TTLL10: variants seen among roughly 807,000 people sequenced by gnomAD.
TTLL10 encodes the protein inactive polyglycylase TTLL10.
A neutral mutation model predicts 69.0 loss-of-function variants in TTLL10; 61 were observed. The observed-to-expected ratio is 0.88, with a 90% CI of 0.72 to 1.09. The LOEUF (loss-of-function observed/expected upper bound fraction) is 1.09. TTLL10 is among the 50% of genes least tolerant of loss of function. TTLL10 has a pLI of 0.00. For missense variants in TTLL10, 962 were observed against 945.9 expected, an observed-to-expected ratio of 1.02 and a Z score of -0.22; for synonymous variants, 408 against 393.3, an observed-to-expected ratio of 1.04 and a Z score of -0.44.
rs142395013 is a variant in TTLL10 at position 1,188,731 on chromosome 1, T to C, written c.1401+3622T>C. On this transcript the variant is annotated intron_variant, in intron 13 of 15. Coordinates refer to ENST00000379289, the MANE Select transcript of TTLL10 (RefSeq NM_001130045.2). ...CATCGAAATTTTAATAGGCATTGCA[T>C]TGAATCTGTAAGTCACGTAGCAGTG... Among the ~76,000 whole-genome samples, 585 of 152,232 alleles carry C rather than the reference T, an allele frequency of 3.8e-3. 4 individuals are homozygous for C. Among genetic ancestry groups the C allele is most frequent in the African/African-American group, 0.013 (533 of 41,550 alleles).
rs1213530126 is a variant in TTLL10 at position 1,182,357 on chromosome 1, G to C, written c.831-4G>C. ...GCTCATCCTCCTGCCTCCCTGCCCT[G>C]CAGGGTCCTGAGAATGGAAGAGTTT... On this transcript the variant is annotated splice_region_variant and splice_polypyrimidine_tract_variant and intron_variant, in intron 9 of 15. Transcript: ENST00000379289. The C allele has an allele frequency of 1.2e-6, 2 of 1,613,386 alleles. No homozygotes were observed. Among genetic ancestry groups the C allele is most frequent in the Non-Finnish European group, 1.7e-6 (2 of 1,179,626 alleles).
At chr1:1,184,168 G>A (rs1647176065) in intron 12 of TTLL10, 77 bp downstream of exon 12, 3 of 1,579,046 alleles carry the variant, frequency 1.9e-6, no homozygotes, top group Admixed American at 3.4e-5. Context: ...GCTAGGGGGT[G>A]CAGAGGGGGT....
chr1:1,178,124 G>A (rs1646930016), intron 3 of TTLL10, among the ~76,000 whole-genome samples: 1 of 152,150 alleles, frequency 6.6e-6, no homozygotes, highest in Non-Finnish European at 1.5e-5. Context: ...CTTCCTGCGG[G>A]TGAGATTGGT....
intron 13 of TTLL10, among the ~76,000 whole-genome samples, chr1:1,189,269 G>C (rs762378828): frequency 3.3e-5 from 5 of 152,230 alleles, no homozygotes; most frequent in Non-Finnish European, 5.9e-5. Flanking sequence ...GTCAGGTTGA[G>C]GAAGTTCCCT....
chr1:1,178,058 C>T (rs1228664654), intron 3 of TTLL10, among the ~76,000 whole-genome samples: 1 of 152,186 alleles, frequency 6.6e-6, no homozygotes, highest in Non-Finnish European at 1.5e-5. Context: ...TGGGCTTCCT[C>T]GTTGTCTCCT....
chr1:1,175,678 C>T (rs902917382), intron 3 of TTLL10: 9 of 456,022 alleles, frequency 2.0e-5, no homozygotes, highest in Non-Finnish European at 4.0e-5. Context: ...GCTGTCCTGA[C>T]ATTACATGTG....
In TTLL10 at chr1:1,189,114, CT is replaced by C. The variant is rs541340573; in HGVS notation, c.1401+4008del. Among the ~76,000 whole-genome samples, 355 of 152,250 alleles carry C rather than the reference CT, an allele frequency of 2.3e-3. 2 individuals carry two copies. The highest frequency in any genetic ancestry group is 0.014 in the Middle Eastern group (4 of 294). On this transcript the variant is annotated intron_variant, in intron 13 of 15. Transcript: ENST00000379289. ...GGAATAGAAACAGCTTTACCTCTTC[CT>C]TTCAAATTTATATGCATTTTATTTC...
At chr1:1,196,806 C>A in intron 14 of TTLL10, 90 bp downstream of exon 14, 1 of 974,772 alleles carries the variant, frequency 1.0e-6, no homozygotes, top group Non-Finnish European at 1.6e-6. Context: ...AGGCCCCAGG[C>A]AGAATCTGCA....
intron 13 of TTLL10, among the ~76,000 whole-genome samples, chr1:1,192,734 C>T (rs961874751): frequency 2.0e-5 from 3 of 151,746 alleles, no homozygotes; most frequent in Non-Finnish European, 2.9e-5. Context: ...TCAGTGTAGA[C>T]ACTCCAGTTG....
In TTLL10 at chr1:1,183,924, A is replaced by C; in HGVS notation, c.1093A>C (p.Ile365Leu). 6.2e-7 allele frequency: 1 copy of C among 1,614,144 alleles called. No individual in the cohort carries two copies. Among genetic ancestry groups the C allele is most frequent in the South Asian group, 1.1e-5 (1 of 91,086 alleles). ...GPQARVVQRY[I>L]QNPLLVDGRK... ...GCCCCGACATGGTGCCCCCAGGTAC[A>C]TCCAGAACCCGCTGCTGGTGGACGG... Residue 365 changes from isoleucine (I) to leucine (L), a missense_variant, in exon 12 of 16, where the codon ATC (isoleucine) becomes CTC (leucine). Coordinates refer to ENST00000379289, the MANE Select transcript of TTLL10 (RefSeq NM_001130045.2).
intron 3 of TTLL10, 92 bp from the exon 4 acceptor site, chr1:1,179,097 G>A (rs1047257403): frequency 3.5e-6 from 3 of 846,686 alleles, no homozygotes; most frequent in Admixed American, 5.9e-5. Flanking sequence ...TTCCTGGGCA[G>A]GGTGGGCCTG....
In TTLL10 at chr1:1,190,033, ACCCGGGAGGCGGAG is replaced by A. The variant is rs1647629245; in HGVS notation, c.1401+4926_1401+4939del. 1.3e-4 allele frequency among the ~76,000 whole-genome samples: 19 copies of A among 150,362 alleles called. No individual in the cohort carries two copies. In the South Asian group the frequency reaches 4.0e-3, roughly 32 times the overall value. Reference sequence around the variant, plus strand: ...AGGCTGAGGCAGGAGAATCGCGTGAACCCGGGAGGCGGAGCTTGCAGTGAGCCGAGATCGCACCA... The same window carrying A: ...AGGCTGAGGCAGGAGAATCGCGTGAACTTGCAGTGAGCCGAGATCGCACCA... On this transcript the variant is annotated intron_variant, in intron 13 of 15. Coordinates refer to ENST00000379289, the MANE Select transcript of TTLL10 (RefSeq NM_001130045.2).
At chr1:1,179,979 G>A (rs916160576) in intron 5 of TTLL10, 55 bp from the exon 6 acceptor site, 88 of 1,462,522 alleles carry the variant, frequency 6.0e-5, no homozygotes, top group Middle Eastern at 1.9e-4. Flanking sequence ...AGCCATGTCC[G>A]GGCTGAGTGG....
At chr1:1,184,172 A>C in intron 12 of TTLL10, 81 bp downstream of exon 12, 1 of 1,570,510 alleles carries the variant, frequency 6.4e-7, no homozygotes. Flanking sequence ...GGGGGTGCAG[A>C]GGGGGTGCAG....
intron 3 of TTLL10, among the ~76,000 whole-genome samples, chr1:1,176,838 C>T (rs1032030731): frequency 2.0e-5 from 3 of 152,230 alleles, no homozygotes; most frequent in African/African-American, 7.2e-5. Context: ...ATCCCAACCC[C>T]GGTGTTGCAT....
At position 1,185,290 on chromosome 1, in the gene TTLL10, T is replaced by G; in HGVS notation, c.1401+181T>G. 1 of 1,407,292 alleles carries G rather than the reference T, an allele frequency of 7.1e-7. No individual in the cohort carries two copies. Among genetic ancestry groups the G allele is most frequent in the Non-Finnish European group, 9.2e-7 (1 of 1,084,086 alleles). The allele number at this position is 1,407,292 out of a possible 1,614,324, so 87.2% of individuals were successfully genotyped here. On this transcript the variant is annotated intron_variant, in intron 13 of 15. Coordinates refer to ENST00000379289, the MANE Select transcript of TTLL10 (RefSeq NM_001130045.2). The surrounding 1 kb of genome is among the most constrained non-coding windows in gnomAD (Gnocchi z 6.1). ...CTGCTCACTTAGCTGGCAGTGCCTG[T>G]CCCCAGCAGCCAGCAAAGGCCCGGA...
At position 1,179,221 on chromosome 1, in the gene TTLL10, C is replaced by A. The variant is rs903756735; in HGVS notation, c.6C>A (p.Asp2Glu). The A allele has an allele frequency of 1.2e-5, 19 of 1,544,740 alleles. No individual in the cohort carries two copies. The African/African-American group carries it at 2.1e-4, about 17-fold the overall frequency. M[D>E]HSCTRFIHRR... ...GCCCGGGCACCCCCCGGCCAATGGACCACAGCTGCACCCGGTTCATCCACC... is the reference window on the plus strand; with the variant it reads ...GCCCGGGCACCCCCCGGCCAATGGAACACAGCTGCACCCGGTTCATCCACC... The change falls in exon 4 of 16, where the codon GAC becomes GAA. Residue 2 changes from aspartate (D) to glutamate (E), a missense_variant. Physicochemically the swap from Asp to Glu is conservative, Grantham distance 45 (BLOSUM62 2). Transcript: ENST00000379289.
chr1:1,193,757 G>A (rs541687893), intron 13 of TTLL10, among the ~76,000 whole-genome samples: 93 of 152,244 alleles, frequency 6.1e-4, no homozygotes, highest in Admixed American at 3.9e-3. Context: ...GAGCCACCAC[G>A]CCTGGCTTAG....
At position 1,180,107 on chromosome 1, in the gene TTLL10, C is replaced by T. The variant is rs775306451; in HGVS notation, c.273C>T (p.His91=). The change falls in exon 6 of 16, where the codon CAC becomes CAT. Residue 91 remains histidine (H), a synonymous_variant. Transcript: ENST00000379289. ...GGTGTCAGCCAAGCCAGCCAGACCA[C>T]GACGCAGATGGACACTGTGGGCCGG... The part of the protein sequence containing the change: ...GLRCQPSQPD[H]DADGHCGPDL... 86 of 1,611,048 alleles carry T rather than the reference C, an allele frequency of 5.3e-5. No individual in the cohort carries two copies. The highest frequency in any genetic ancestry group is 9.3e-5 in the African/African-American group (7 of 75,024).
Sources: gnomAD v4.1 joint callset for allele counts (sites outside exome capture counted in the v4.1 genomes callset) on GRCh38, gnomAD v4.1.1 for gene constraint, Gnocchi (gnomAD v3.1) non-coding constraint, MANE v1.5 for transcripts, NCBI Gene and HGNC (gene_info 2026-07-23, HGNC 2026-07-21) for gene names.